GRM8: variants seen among roughly 807,000 people sequenced by gnomAD.
GRM8 encodes the protein glutamate metabotropic receptor 8, also known as metabotropic glutamate receptor 8.
Under a neutral mutation model 87.2 loss-of-function variants are expected in GRM8, and 47 were observed. The observed-to-expected ratio is 0.54, with a 90% CI of 0.43 to 0.69. The LOEUF is 0.69. GRM8 is among the 30% of genes least tolerant of loss of function. The pLI is 0.00. For synonymous variants in GRM8, 396 were observed against 404.5 expected (o/e 0.98, Z 0.25); for missense variants, 1,019 against 1,139.2 (o/e 0.89, Z 1.52).
rs371562915 is a variant in GRM8, at chr7:127,130,567, G to A, written c.511-23855C>T. 6.6e-5 allele frequency among the ~76,000 whole-genome samples: 10 copies of A among 152,136 alleles called. No homozygotes were observed. The East Asian group carries it at 1.5e-3, about 23-fold the overall frequency. On this transcript the variant is annotated intron_variant, in intron 2 of 10. Transcript: ENST00000339582. ...TTTGCCCCCGCCCTAGAGATATGTG[G>A]AACTTTGAACTTGAGAAACATGATT...
intron 3 of GRM8, among the ~76,000 whole-genome samples, chr7:126,917,563 T>G (rs192653668): frequency 2.6e-5 from 4 of 152,186 alleles, no homozygotes; most frequent in African/African-American, 9.7e-5. Context: ...ATCAGGTTAG[T>G]AGGGTAAACA....
chr7:127,008,474 C>T (rs1275521842), intron 3 of GRM8, among the ~76,000 whole-genome samples: 1 of 152,056 alleles, frequency 6.6e-6, no homozygotes, highest in Non-Finnish European at 1.5e-5. Flanking sequence ...TGCCTCAGGA[C>T]CTGGGCACTA....
At chr7:126,599,075 C>T (rs1397775830) in intron 8 of GRM8, among the ~76,000 whole-genome samples, 3 of 152,106 alleles carry the variant, frequency 2.0e-5, no homozygotes, top group Non-Finnish European at 4.4e-5. Flanking sequence ...GGCAGATGCT[C>T]CTCAAAGACA....
chr7:126,499,562 T>C (rs767163789), intron 9 of GRM8, among the ~76,000 whole-genome samples: 1 of 151,956 alleles, frequency 6.6e-6, no homozygotes, highest in Non-Finnish European at 1.5e-5. Context: ...AAGTGTTGTT[T>C]CCATTTGAGT....
At position 127,149,961 on chromosome 7, in the gene GRM8, AC is replaced by A. The variant is rs550610317; in HGVS notation, c.511-43250del. 3.2e-4 allele frequency among the ~76,000 whole-genome samples: 48 copies of A among 152,192 alleles called. 2 individuals are homozygous for A. The South Asian group carries it at 5.8e-3, about 18-fold the overall frequency. On this transcript the variant is annotated intron_variant, in intron 2 of 10. Transcript: ENST00000339582. Reference sequence around the variant, plus strand: ...ATGAAGAAGTCTAGAGATCTAATGTACAACATGAAGGTCATAGGTAATAAAA... The same window carrying A: ...ATGAAGAAGTCTAGAGATCTAATGTAAACATGAAGGTCATAGGTAATAAAA...
intron 3 of GRM8, among the ~76,000 whole-genome samples, chr7:126,946,061 T>G (rs1211509963): frequency 6.6e-6 from 1 of 152,262 alleles, no homozygotes; most frequent in African/African-American, 2.4e-5. Flanking sequence ...GCATTCTTCC[T>G]TCTGATTCTG....
Position 126,599,598 on chromosome 7 carries a change from C to T in GRM8, c.1494+9764G>A, listed in dbSNP as rs147590738. Among the ~76,000 whole-genome samples, 615 of 152,170 alleles carry T rather than the reference C, an allele frequency of 4.0e-3. 5 individuals carry two copies. Among genetic ancestry groups the T allele is most frequent in the African/African-American group, 0.014 (587 of 41,544 alleles). On this transcript the variant is annotated intron_variant, in intron 8 of 10. Coordinates refer to ENST00000339582, the MANE Select transcript of GRM8 (RefSeq NM_000845.3). ...TAAGAGTCAGGCTGCATCTATCAGG[C>T]ATCTAACTACTATGGTCTTTTTGAC...
At chr7:127,019,707 G>A (rs1816069066) in intron 3 of GRM8, among the ~76,000 whole-genome samples, 1 of 152,024 alleles carries the variant, frequency 6.6e-6, no homozygotes. Flanking sequence ...TGTAAGGTGT[G>A]TCCAATCTGA....
Position 126,489,156 on chromosome 7 carries a change from A to G in GRM8, c.2431-42784T>C, listed in dbSNP as rs190926912. Among the ~76,000 whole-genome samples, 199 of 152,158 alleles carry G rather than the reference A, an allele frequency of 1.3e-3. 2 individuals carry two copies. The highest frequency in any genetic ancestry group is 0.011 in the Admixed American group (164 of 15,264). On this transcript the variant is annotated intron_variant, in intron 9 of 10. Transcript: ENST00000339582. Reference sequence around the variant, plus strand: ...TGGATTTAGAGAAGCCACAAAACATATTTGAGTCCCAATGTCTGCAACAGT... The same window carrying G: ...TGGATTTAGAGAAGCCACAAAACATGTTTGAGTCCCAATGTCTGCAACAGT...
At chr7:127,052,016 A>T (rs553172700) in intron 3 of GRM8, among the ~76,000 whole-genome samples, 31 of 152,132 alleles carry the variant, frequency 2.0e-4, no homozygotes, top group Non-Finnish European at 3.7e-4. Flanking sequence ...TGACCTGGGG[A>T]GAAAGGGAAT....
chr7:126,764,905 A>T (rs1818023586), intron 7 of GRM8, among the ~76,000 whole-genome samples: 1 of 152,088 alleles, frequency 6.6e-6, no homozygotes, highest in Non-Finnish European at 1.5e-5. Flanking sequence ...ATACCTAGAC[A>T]TCACCCCTCT....
At chr7:126,987,690 C>T (rs1204234396) in intron 3 of GRM8, among the ~76,000 whole-genome samples, 2 of 152,114 alleles carry the variant, frequency 1.3e-5, no homozygotes, top group Non-Finnish European at 2.9e-5. Context: ...GTCTCGATCT[C>T]CTGACCTCGT....
At chr7:127,057,392 T>A (rs1393712871) in intron 3 of GRM8, among the ~76,000 whole-genome samples, 1 of 151,858 alleles carries the variant, frequency 6.6e-6, no homozygotes, top group African/African-American at 2.4e-5. Context: ...TAACCTAGAT[T>A]TATATAACAA....
At chr7:127,100,109 C>G (rs941126805) in intron 3 of GRM8, among the ~76,000 whole-genome samples, 1 of 152,036 alleles carries the variant, frequency 6.6e-6, no homozygotes, top group Non-Finnish European at 1.5e-5. Context: ...CAGAAGCAAC[C>G]ACCTTAATTT....
In GRM8 at chr7:126,985,048, C is replaced by A. The variant is rs56822669; in HGVS notation, c.728-80365G>T. The stretch of plus-strand genomic sequence containing the variant: ...CACACACACAACACACACACACATG[C>A]ATGAAGTAGAAGAAAAGCTTTTAGA... On this transcript the variant is annotated intron_variant, in intron 3 of 10. Coordinates refer to ENST00000339582, the MANE Select transcript of GRM8 (RefSeq NM_000845.3). Among the ~76,000 whole-genome samples, 1,159 of 152,134 alleles carry A rather than the reference C, an allele frequency of 7.6e-3. 16 individuals are homozygous for A. Among genetic ancestry groups the A allele is most frequent in the African/African-American group, 0.026 (1,094 of 41,492 alleles).
chr7:126,870,884 T>C (rs1333795428), intron 6 of GRM8, among the ~76,000 whole-genome samples: 3 of 152,116 alleles, frequency 2.0e-5, no homozygotes, highest in Non-Finnish European at 4.4e-5. Context: ...TTGTAAAAAA[T>C]GCAAAAACTG....
chr7:126,995,114 G>A (rs757985332), intron 3 of GRM8, among the ~76,000 whole-genome samples: 2 of 152,146 alleles, frequency 1.3e-5, no homozygotes, highest in South Asian at 4.1e-4. Context: ...GGTAATCCAG[G>A]GAATTCTTCC....
intron 8 of GRM8, among the ~76,000 whole-genome samples, chr7:126,572,452 G>A (rs1197206723): frequency 6.6e-6 from 1 of 152,176 alleles, no homozygotes; most frequent in East Asian, 1.9e-4. Context: ...TCTGCACAGG[G>A]AATGCTGGAG....
chr7:127,120,715 G>A (rs568135300), intron 2 of GRM8, among the ~76,000 whole-genome samples: 3 of 152,292 alleles, frequency 2.0e-5, no homozygotes, highest in African/African-American at 4.8e-5. Flanking sequence ...GTCATCATGA[G>A]GAGATATAAA....
Sources: gnomAD v4.1 joint callset for allele counts (sites outside exome capture counted in the v4.1 genomes callset) on GRCh38, gnomAD v4.1.1 for gene constraint, MANE v1.5 for transcripts, NCBI Gene and HGNC (gene_info 2026-07-23, HGNC 2026-07-21) for gene names.